The following NR3C2 variants were observed in gnomAD, a reference collection of about 807,000 sequenced individuals.
NR3C2 encodes the protein mineralocorticoid receptor.
In NR3C2, 15 loss-of-function variants were observed where a neutral mutation model predicts 86.4. The observed-to-expected ratio is 0.17, with a 90% CI of 0.12 to 0.27. NR3C2 has a LOEUF of 0.27. Ranked by LOEUF, NR3C2 falls within the 10% of genes least tolerant of loss-of-function variation. The probability of loss-of-function intolerance (pLI) is 1.00; values close to 1 mark genes in which losing one functional copy is unlikely to be tolerated. For missense variants in NR3C2, 960 were observed against 1,195.6 expected (o/e 0.80, Z 2.91); for synonymous variants, 458 against 450.5 (o/e 1.02, Z -0.21).
intron 2 of NR3C2, among the ~76,000 whole-genome samples, chr4:148,279,965 T>C (rs970055348): frequency 1.3e-5 from 2 of 152,200 alleles, no homozygotes; most frequent in Non-Finnish European, 2.9e-5. Context: ...CCTCAGGTGA[T>C]GCACCTGCCT....
chr4:148,142,428 A>C (rs1733657054), intron 6 of NR3C2, among the ~76,000 whole-genome samples: 1 of 152,160 alleles, frequency 6.6e-6, no homozygotes, highest in East Asian at 1.9e-4. Context: ...TCTCATGTTA[A>C]ATTGTAATCC....
intron 3 of NR3C2, among the ~76,000 whole-genome samples, chr4:148,216,255 CA>C (rs1449503317): frequency 6.6e-6 from 1 of 151,900 alleles, no homozygotes; most frequent in Admixed American, 6.6e-5. Flanking sequence ...GTTCCCAGTA[CA>C]AAAATAGTCA....
chr4:148,315,575 G>C (rs1429374244), intron 2 of NR3C2, among the ~76,000 whole-genome samples: 1 of 151,994 alleles, frequency 6.6e-6, no homozygotes, highest in African/African-American at 2.4e-5. Context: ...AGTTTTTTTA[G>C]ACTTAATTAT....
rs148877282 is a variant in NR3C2, at chr4:148,420,308, G to T, written c.1757+14796C>A. On this transcript the variant is annotated intron_variant, in intron 2 of 8. Transcript: ENST00000358102. Reference sequence around the variant, plus strand: ...CCTAGGATCTAACCAAGCCTGAGGTGTACTTCCTGAATTCCCATTTGTTTA... The same window carrying T: ...CCTAGGATCTAACCAAGCCTGAGGTTTACTTCCTGAATTCCCATTTGTTTA... Among the ~76,000 whole-genome samples the T allele has an allele frequency of 2.6e-5, 4 of 152,264 alleles. No homozygotes were observed. In the South Asian group the frequency reaches 8.3e-4, roughly 32 times the overall value.
Position 148,421,725 on chromosome 4 carries a change from G to A in NR3C2, c.1757+13379C>T, listed in dbSNP as rs1749289946. Among the ~76,000 whole-genome samples the A allele has an allele frequency of 2.0e-5, 3 of 151,852 alleles. No individual in the cohort carries two copies. In the South Asian group the frequency reaches 6.2e-4, roughly 32 times the overall value. Reference sequence around the variant, plus strand: ...CAGAATACTAGATGTATTTATTCCCGCTACAGTAAAATTGGCAAGAATTTA... The same window carrying A: ...CAGAATACTAGATGTATTTATTCCCACTACAGTAAAATTGGCAAGAATTTA... On this transcript the variant is annotated intron_variant, in intron 2 of 8. Coordinates refer to ENST00000358102, the MANE Select transcript of NR3C2 (RefSeq NM_000901.5).
intron 4 of NR3C2, among the ~76,000 whole-genome samples, chr4:148,176,750 G>A (rs1365532857): frequency 6.6e-6 from 1 of 152,116 alleles, no homozygotes; most frequent in Non-Finnish European, 1.5e-5. Flanking sequence ...GCATTGCATG[G>A]GATGCCTGGC....
chr4:148,313,434 T>G (rs58938017), intron 2 of NR3C2, among the ~76,000 whole-genome samples: 1 of 152,174 alleles, frequency 6.6e-6, no homozygotes, highest in African/African-American at 2.4e-5. Context: ...CTTTTATCAA[T>G]TGAAAAATCT....
chr4:148,444,554 G>A, upstream of NR3C2: 1 of 987,864 alleles, frequency 1.0e-6, no homozygotes, highest in South Asian at 4.6e-5. Flanking sequence ...GGGAGGCTGG[G>A]GCGGGGGAAG....
intron 3 of NR3C2, among the ~76,000 whole-genome samples, chr4:148,216,473 C>T (rs895253102): frequency 6.6e-6 from 1 of 152,018 alleles, no homozygotes. Context: ...TAAGTGTTTG[C>T]CGAGAGTAAA....
At chr4:148,246,800 C>T (rs1159225601) in intron 3 of NR3C2, among the ~76,000 whole-genome samples, 4 of 152,096 alleles carry the variant, frequency 2.6e-5, no homozygotes, top group East Asian at 3.9e-4. Flanking sequence ...TGATCCGCCC[C>T]GCCTTGGCCT....
intron 3 of NR3C2, among the ~76,000 whole-genome samples, chr4:148,214,321 T>C (rs1737418390): frequency 6.6e-6 from 1 of 152,326 alleles, no homozygotes. Context: ...TCAGTCTACA[T>C]ACCATATTGT....
chr4:148,086,236 A>G (rs904982020), intron 8 of NR3C2, among the ~76,000 whole-genome samples: 1 of 152,254 alleles, frequency 6.6e-6, no homozygotes, highest in African/African-American at 2.4e-5. Flanking sequence ...TCAATAAAAT[A>G]CGGGCAAACT....
intron 8 of NR3C2, among the ~76,000 whole-genome samples, chr4:148,104,409 G>A (rs963775496): frequency 1.3e-5 from 2 of 148,824 alleles, no homozygotes; most frequent in African/African-American, 5.0e-5. Context: ...GGAAGAGAAG[G>A]CTTTGCTACC....
intron 3 of NR3C2, among the ~76,000 whole-genome samples, chr4:148,232,816 A>G (rs1057505347): frequency 6.6e-6 from 1 of 152,230 alleles, no homozygotes; most frequent in Non-Finnish European, 1.5e-5. Flanking sequence ...CAGCTTCTCC[A>G]TCAGCACTTC....
intron 3 of NR3C2, among the ~76,000 whole-genome samples, chr4:148,257,595 T>G (rs1183580318): frequency 6.6e-6 from 1 of 152,196 alleles, no homozygotes; most frequent in Non-Finnish European, 1.5e-5. Context: ...GACACCTATA[T>G]ACCATGATTT....
At chr4:148,329,339 T>TAC (rs200065120) in intron 2 of NR3C2, among the ~76,000 whole-genome samples, 1,722 of 7,308 alleles carry the variant, frequency 0.24, 13 homozygotes, top group Non-Finnish European at 0.42. Flanking sequence ...CACATGCATA[T>TAC]ATATACACAT....
chr4:148,429,384 A>G (rs61759961), intron 2 of NR3C2, among the ~76,000 whole-genome samples: 63 of 152,300 alleles, frequency 4.1e-4, no homozygotes, highest in Admixed American at 1.5e-3. Context: ...ATGGCCAGCT[A>G]TTATCTCATA....
At chr4:148,277,045 CAAAA>C (rs1740995166) in intron 2 of NR3C2, among the ~76,000 whole-genome samples, 1 of 152,216 alleles carries the variant, frequency 6.6e-6, no homozygotes, top group African/African-American at 2.4e-5. Context: ...TCTTTAGAAA[CAAAA>C]GAAATCAAAA....
chr4:148,294,032 C>A (rs1244761089), intron 2 of NR3C2, among the ~76,000 whole-genome samples: 1 of 152,146 alleles, frequency 6.6e-6, no homozygotes, highest in African/African-American at 2.4e-5. Context: ...GGGATTTGGC[C>A]CTATTGGGTA....
Sources: allele counts gnomAD v4.1 joint callset (sites outside exome capture counted in the v4.1 genomes callset), GRCh38; gene constraint gnomAD v4.1.1; transcripts MANE v1.5; gene names NCBI Gene and HGNC (gene_info 2026-07-23, HGNC 2026-07-21).